Variants in ANK2 observed in about 807,000 individuals in gnomAD.
ANK2 encodes ankyrin 2.
Under a neutral mutation model 360.5 loss-of-function variants are expected in ANK2, and 83 were observed. That is an observed-to-expected ratio of 0.23 (90% confidence interval 0.19 to 0.28). The LOEUF (loss-of-function observed/expected upper bound fraction) is 0.28. Ranked by LOEUF, ANK2 falls within the 10% of genes least tolerant of loss-of-function variation. The pLI is 1.00. For missense variants in ANK2, 4,201 were observed against 4,795.7 expected, an observed-to-expected ratio of 0.88 and a Z score of 3.66; for synonymous variants, 1,740 against 1,759.5, an observed-to-expected ratio of 0.99 and a Z score of 0.28.
At chr4:113,233,420 C>T (rs1044154963) in intron 5 of ANK2, among the ~76,000 whole-genome samples, 13 of 151,874 alleles carry the variant, frequency 8.6e-5, no homozygotes, top group African/African-American at 3.1e-4. Flanking sequence ...CAGGCGTGAG[C>T]CACCGCGCCC....
chr4:112,996,694 A>G (rs2048641813), intron 2 of ANK2, among the ~76,000 whole-genome samples: 1 of 152,152 alleles, frequency 6.6e-6, no homozygotes, highest in Non-Finnish European at 1.5e-5. Flanking sequence ...CATCATGAAG[A>G]ATGAGGTATC....
chr4:113,259,201 C>T (rs1469473794), intron 13 of ANK2, among the ~76,000 whole-genome samples: 1 of 152,054 alleles, frequency 6.6e-6, no homozygotes, highest in African/African-American at 2.4e-5. Context: ...TGCAAATGTT[C>T]TCCTGAGCAA....
intron 1 of ANK2, among the ~76,000 whole-genome samples, chr4:113,119,794 A>AT (rs1248467377): frequency 6.6e-6 from 1 of 152,144 alleles, no homozygotes; most frequent in Non-Finnish European, 1.5e-5. Flanking sequence ...ATTTTGAAGG[A>AT]TTTTTACCAA....
At chr4:112,879,559 C>G (rs1028662210) in intron 1 of ANK2, among the ~76,000 whole-genome samples, 1 of 152,020 alleles carries the variant, frequency 6.6e-6, no homozygotes, top group Non-Finnish European at 1.5e-5. Context: ...CCACAGAAAC[C>G]GTGAAATAAT....
At chr4:112,889,011 T>C (rs111366661) in intron 1 of ANK2, among the ~76,000 whole-genome samples, 99 of 152,312 alleles carry the variant, frequency 6.5e-4, no homozygotes, top group Non-Finnish European at 1.1e-3. Flanking sequence ...ATTGGTTGCC[T>C]TAGACTGTAT....
intron 1 of ANK2, among the ~76,000 whole-genome samples, chr4:113,165,538 A>G (rs914364241): frequency 6.6e-6 from 1 of 152,310 alleles, no homozygotes; most frequent in East Asian, 1.9e-4. Flanking sequence ...CTTTTCAAAT[A>G]TATCTGTTCA....
chr4:113,213,382 T>C (rs190471968), intron 4 of ANK2, among the ~76,000 whole-genome samples: 1 of 152,190 alleles, frequency 6.6e-6, no homozygotes, highest in Non-Finnish European at 1.5e-5. Context: ...TTAAAAGATA[T>C]CTAATGTTCT....
At chr4:113,071,408 A>G (rs1187603376) in intron 1 of ANK2, among the ~76,000 whole-genome samples, 1 of 152,198 alleles carries the variant, frequency 6.6e-6, no homozygotes, top group Non-Finnish European at 1.5e-5. Flanking sequence ...TACTCAGACC[A>G]AGAGATCAGG....
At chr4:112,754,111 G>GTATATATATATATATATATATATA in the ANK2 span, among the ~76,000 whole-genome samples, 2 of 111,446 alleles carry the variant, frequency 1.8e-5, no homozygotes, top group South Asian at 3.1e-4. Flanking sequence ...AAAAAAAAAA[G>GTATATATATATATATATATATATA]TATATATATA....
At chr4:113,376,802 G>GTTTTTT (rs36011726) in intron 45 of ANK2, among the ~76,000 whole-genome samples, 7 of 114,178 alleles carry the variant, frequency 6.1e-5, no homozygotes, top group Non-Finnish European at 1.2e-4. Context: ...ACTTTTTAAG[G>GTTTTTT]TTTTTTTTTT....
At chr4:113,292,343 A>C in intron 20 of ANK2, 73 bp from the exon 21 acceptor site, 1 of 1,333,792 alleles carries the variant, frequency 7.5e-7, no homozygotes, top group Non-Finnish European at 1.1e-6. Context: ...AGACTATTCA[A>C]AATGAAGGCT....
chr4:112,886,233 G>A (rs1157598972), intron 1 of ANK2, among the ~76,000 whole-genome samples: 1 of 152,182 alleles, frequency 6.6e-6, no homozygotes, highest in Admixed American at 6.5e-5. Flanking sequence ...TGGTGATACA[G>A]AGGTTTTACT....
In ANK2 at chr4:113,364,800, G is replaced by T. The variant is rs1381532727; in HGVS notation, c.10889-239G>T. ...TATTTGCTTTTTATCTGAAATTCAGGTATGGTGGGTGTCCTGTATGTTATC... is the reference window on the plus strand; with the variant it reads ...TATTTGCTTTTTATCTGAAATTCAGTTATGGTGGGTGTCCTGTATGTTATC... On this transcript the variant is annotated intron_variant, in intron 40 of 45. Coordinates refer to ENST00000357077, the MANE Select transcript of ANK2 (RefSeq NM_001148.6). Among the ~76,000 whole-genome samples the T allele has an allele frequency of 2.0e-5, 3 of 152,128 alleles. No individual in the cohort carries two copies. In the East Asian group the frequency reaches 5.8e-4, roughly 29 times the overall value.
chr4:112,855,550 T>C (rs966482278), intron 1 of ANK2, among the ~76,000 whole-genome samples: 1 of 152,214 alleles, frequency 6.6e-6, no homozygotes, highest in Non-Finnish European at 1.5e-5. Flanking sequence ...TGAATGTATA[T>C]ATCAAGTTAT....
chr4:112,855,715 T>C (rs1222536475), intron 1 of ANK2, among the ~76,000 whole-genome samples: 1 of 152,184 alleles, frequency 6.6e-6, no homozygotes, highest in Non-Finnish European at 1.5e-5. Flanking sequence ...AAGTGACTTA[T>C]CCAAGGTCTC....
the ANK2 span, among the ~76,000 whole-genome samples, chr4:112,783,653 T>TTATG: frequency 6.6e-6 from 1 of 150,558 alleles, no homozygotes; most frequent in Non-Finnish European, 1.5e-5. Flanking sequence ...ATTTATTTAT[T>TTATG]TATTTATTTA....
chr4:113,279,786 AAC>A (rs1290356063), intron 17 of ANK2, among the ~76,000 whole-genome samples: 4 of 151,228 alleles, frequency 2.6e-5, no homozygotes, highest in African/African-American at 7.3e-5. Context: ...GATGCCAATA[AAC>A]AGTTTATAAT....
intron 1 of ANK2, among the ~76,000 whole-genome samples, chr4:113,123,553 C>G (rs1220098545): frequency 6.6e-6 from 1 of 152,134 alleles, no homozygotes; most frequent in East Asian, 1.9e-4. Flanking sequence ...TTCTGGATTT[C>G]TGCATAAATT....
At chr4:112,941,473 A>G (rs182809125) in intron 2 of ANK2, among the ~76,000 whole-genome samples, 3,144 of 143,728 alleles carry the variant, frequency 0.022, 91 homozygotes, top group African/African-American at 0.064. Context: ...ATCTTTATAT[A>G]TAGATATATA....
Sources: gnomAD v4.1 joint callset for allele counts (sites outside exome capture counted in the v4.1 genomes callset) on GRCh38, gnomAD v4.1.1 for gene constraint, MANE v1.5 for transcripts, NCBI Gene and HGNC (gene_info 2026-07-23, HGNC 2026-07-21) for gene names.